Variants in TTC29 observed in about 807,000 individuals in gnomAD.
The protein encoded by TTC29 is tetratricopeptide repeat domain 29, also known as tetratricopeptide repeat protein 29.
Under a neutral mutation model 58.1 loss-of-function variants are expected in TTC29, and 49 were observed. The ratio of observed to expected loss-of-function variants is 0.84; its 90% CI spans 0.67 to 1.07. The LOEUF (loss-of-function observed/expected upper bound fraction) is 1.07, where lower values mean the gene tolerates loss of function less well. Ranked by LOEUF, TTC29 falls within the 50% of genes least tolerant of loss-of-function variation. The pLI is 0.00. For synonymous variants in TTC29, 209 were observed against 196.8 expected, an observed-to-expected ratio of 1.06 and a Z score of -0.52; for missense variants, 582 against 555.6, an observed-to-expected ratio of 1.05 and a Z score of -0.48.
Position 146,867,562 on chromosome 4 carries a change from G to T in TTC29, c.821C>A (p.Ala274Glu). Residue 274 changes from alanine to glutamate, a missense_variant, in exon 8 of 13, where the codon GCG (alanine) becomes GAG (glutamate). Transcript: ENST00000325106. ...AKEGSDKKME[A>E]EASYYLGLAH... ...TAAGCCCAAGTAGTAAGAGGCTTCC[G>T]CTTCCATCTTTTTGTCACTTCCTGA... 2.0e-6 allele frequency: 3 copies of T among 1,531,272 alleles called. No homozygotes were observed. The highest frequency in any genetic ancestry group is 1.8e-6 in the Non-Finnish European group (2 of 1,135,400). The allele number at this position is 1,531,272 out of a possible 1,614,324, so 94.9% of individuals were successfully genotyped here.
rs369666225 is a variant in TTC29, at chr4:146,921,290, T to C, written c.177-12041A>G. On this transcript the variant is annotated intron_variant, in intron 4 of 12. Transcript: ENST00000325106. ...AATTTTATTGCACCTATCTAAACAT[T>C]TAGAAAATTACTAGTTATAACTAAG... Among the ~76,000 whole-genome samples the C allele has an allele frequency of 3.0e-4, 45 of 151,316 alleles. No homozygotes were observed. In the South Asian group the frequency reaches 8.9e-3, roughly 30 times the overall value.
At chr4:146,866,435 T>C (rs1299514077) in intron 8 of TTC29, among the ~76,000 whole-genome samples, 1 of 152,130 alleles carries the variant, frequency 6.6e-6, no homozygotes, top group Non-Finnish European at 1.5e-5. Flanking sequence ...TTTTTTTTGG[T>C]GCAGCCTCCC....
intron 11 of TTC29, among the ~76,000 whole-genome samples, chr4:146,735,199 A>T (rs1193996824): frequency 2.0e-5 from 3 of 152,118 alleles, no homozygotes; most frequent in Admixed American, 2.0e-4. Flanking sequence ...AAAATGATGC[A>T]GGGACAACAG....
chr4:146,934,003 T>C (rs1392731526), intron 4 of TTC29: 1 of 152,216 alleles, frequency 6.6e-6, no homozygotes, highest in Non-Finnish European at 1.5e-5. Context: ...TAAGGCCACA[T>C]TGGGAGTAGA....
chr4:146,745,563 T>C (rs567962154), intron 11 of TTC29, among the ~76,000 whole-genome samples: 4 of 152,222 alleles, frequency 2.6e-5, no homozygotes, highest in Non-Finnish European at 4.4e-5. Flanking sequence ...GTCTGAACAA[T>C]GGTTAGACTT....
chr4:146,747,121 A>G (rs1215084648), intron 11 of TTC29, among the ~76,000 whole-genome samples: 1 of 152,128 alleles, frequency 6.6e-6, no homozygotes, highest in East Asian at 1.9e-4. Context: ...GGACACTTGC[A>G]GTTTTTACTA....
intron 11 of TTC29, among the ~76,000 whole-genome samples, chr4:146,747,777 G>T (rs1745658853): frequency 6.6e-6 from 1 of 152,180 alleles, no homozygotes; most frequent in Non-Finnish European, 1.5e-5. Flanking sequence ...GCTTTCTAGA[G>T]CCAAGAATAT....
chr4:146,938,838 C>T (rs1418110617), intron 3 of TTC29, among the ~76,000 whole-genome samples: 25 of 152,090 alleles, frequency 1.6e-4, no homozygotes, highest in Admixed American at 6.5e-5. Flanking sequence ...AATAAACCTA[C>T]GTATGCAAAC....
chr4:146,711,161 C>T lies in TTC29; in HGVS notation c.1331-3610G>A, dbSNP rs79760152. 7.7e-3 allele frequency among the ~76,000 whole-genome samples: 1,167 copies of T among 152,042 alleles called. 17 individuals carry two copies. The highest frequency in any genetic ancestry group is 0.027 in the African/African-American group (1,104 of 41,472). On this transcript the variant is annotated intron_variant, in intron 11 of 12. Transcript: ENST00000325106. ...TGTGTCAGAGTTTATAGACTAGACC[C>T]CTGGTAATGGATTCAACCTTTCTTC...
intron 11 of TTC29, among the ~76,000 whole-genome samples, chr4:146,725,941 T>C (rs1743753013): frequency 6.6e-6 from 1 of 152,176 alleles, no homozygotes; most frequent in Non-Finnish European, 1.5e-5. Flanking sequence ...GGTGTAATTA[T>C]AGTCCACTGC....
chr4:146,832,743 C>T (rs768780278), intron 9 of TTC29, among the ~76,000 whole-genome samples: 5 of 152,072 alleles, frequency 3.3e-5, no homozygotes, highest in South Asian at 2.1e-4. Context: ...CTGCTCACCT[C>T]GGCCTCTCAA....
intron 9 of TTC29, among the ~76,000 whole-genome samples, chr4:146,833,354 C>T (rs993573726): frequency 2.0e-5 from 3 of 152,078 alleles, no homozygotes; most frequent in African/African-American, 7.2e-5. Context: ...TTGGTTTTAA[C>T]CCCAATTGTT....
At chr4:146,908,704 G>T (rs982088899) in intron 5 of TTC29, among the ~76,000 whole-genome samples, 3 of 152,194 alleles carry the variant, frequency 2.0e-5, no homozygotes, top group South Asian at 2.1e-4. Flanking sequence ...TTCAGATTAC[G>T]TATACAGAAA....
chr4:146,803,311 C>A (rs967780260), intron 11 of TTC29, 146 bp downstream of exon 11: 4 of 615,342 alleles, frequency 6.5e-6, no homozygotes, highest in Non-Finnish European at 1.1e-5. Flanking sequence ...AAAGTATATC[C>A]AACCTTCATG....
intron 11 of TTC29, among the ~76,000 whole-genome samples, chr4:146,752,951 G>C (rs886713210): frequency 1.3e-5 from 2 of 152,130 alleles, no homozygotes; most frequent in Admixed American, 1.3e-4. Context: ...AAAAACCCTA[G>C]AAGAAAACCT....
intron 11 of TTC29, among the ~76,000 whole-genome samples, chr4:146,737,999 C>A (rs1196853979): frequency 6.6e-6 from 1 of 152,016 alleles, no homozygotes; most frequent in Non-Finnish European, 1.5e-5. Flanking sequence ...CCCCACCTGG[C>A]AAAATTGGGG....
intron 6 of TTC29, among the ~76,000 whole-genome samples, chr4:146,896,430 G>A (rs928365000): frequency 6.6e-6 from 1 of 152,150 alleles, no homozygotes; most frequent in Non-Finnish European, 1.5e-5. Context: ...GTCCAATGCA[G>A]GTGATCTGTG....
At chr4:146,911,597 G>A (rs1047845235) in intron 4 of TTC29, among the ~76,000 whole-genome samples, 6 of 152,182 alleles carry the variant, frequency 3.9e-5, no homozygotes, top group African/African-American at 1.4e-4. Flanking sequence ...GGCAGCTGAG[G>A]GCCTTGGTTC....
At chr4:146,940,596 T>C (rs1305463358) in intron 2 of TTC29, among the ~76,000 whole-genome samples, 1 of 152,216 alleles carries the variant, frequency 6.6e-6, no homozygotes, top group East Asian at 1.9e-4. Flanking sequence ...TCAGAAGCTG[T>C]AGTAACCCAA....
Sources: allele counts gnomAD v4.1 joint callset (sites outside exome capture counted in the v4.1 genomes callset), GRCh38; gene constraint gnomAD v4.1.1; transcripts MANE v1.5; gene names NCBI Gene and HGNC (gene_info 2026-07-23, HGNC 2026-07-21).